The following LBH variants were observed in gnomAD, a reference collection of about 807,000 sequenced individuals.
LBH encodes LBH regulator of Wnt signaling pathway.
A neutral mutation model predicts 12.5 loss-of-function variants in LBH; 7 were observed. That is an observed-to-expected ratio of 0.56 (90% CI 0.32 to 1.05). The LOEUF (loss-of-function observed/expected upper bound fraction) is 1.05. Ranked by LOEUF, LBH falls within the 50% of genes least tolerant of loss-of-function variation. The probability of loss-of-function intolerance (pLI) is 0.04; values close to 1 mark genes in which losing one functional copy is unlikely to be tolerated. For missense variants in LBH, 119 were observed against 138.9 expected (o/e 0.86, Z 0.72); for synonymous variants, 51 against 50.1 (o/e 1.02, Z -0.08).
At chr2:30,252,191 CA>C (rs1677991963) in intron 2 of LBH, among the ~76,000 whole-genome samples, 1 of 152,092 alleles carries the variant, frequency 6.6e-6, no homozygotes, top group Non-Finnish European at 1.5e-5. Flanking sequence ...CCATTCTCAT[CA>C]TGATAGTAAG....
At position 30,257,789 on chromosome 2, in the gene LBH, C is replaced by CATTTTT; in HGVS notation, c.*168_*169insATTTTT. 1 of 439,350 alleles carries CATTTTT rather than the reference C, an allele frequency of 2.3e-6. No homozygotes were observed. The highest frequency in any genetic ancestry group is 3.8e-6 in the Non-Finnish European group (1 of 264,366). The allele number at this position is 439,350 out of a possible 1,614,324, so 27.2% of individuals were successfully genotyped here. On this transcript the variant is annotated 3_prime_UTR_variant, in exon 3 of 3. Coordinates refer to ENST00000395323, the MANE Select transcript of LBH (RefSeq NM_030915.4). ...GAGTTGGTTTTCTTTTCTTTTCTTG[C>CATTTTT]CTTTTTTTTTTTTTGAAATTTGCCG... is the stretch of plus-strand genomic sequence containing the variant.
At chr2:30,251,031 A>G (rs182922448) in intron 2 of LBH, among the ~76,000 whole-genome samples, 24 of 140,370 alleles carry the variant, frequency 1.7e-4, no homozygotes, top group African/African-American at 6.1e-4. Flanking sequence ...CACCATTCTT[A>G]TTTTTTATTG....
chr2:30,248,851 G>A (rs1214641511), intron 2 of LBH, among the ~76,000 whole-genome samples: 1 of 152,244 alleles, frequency 6.6e-6, no homozygotes, highest in Non-Finnish European at 1.5e-5. Flanking sequence ...AGATGTTTAT[G>A]AAAGATGGTG....
At chr2:30,238,062 A>G (rs13403566) in intron 2 of LBH, among the ~76,000 whole-genome samples, 1,693 of 152,304 alleles carry the variant, frequency 0.011, 33 homozygotes, top group African/African-American at 0.039. Flanking sequence ...GCAAGTCAGC[A>G]GCTGCTTCTT....
Position 30,234,483 on chromosome 2 carries a change from C to T in LBH, c.105C>T (p.Pro35=). ...CCATGGAGGAGATCGGCCTCAGCCC[C>T]CGCAAGGATGGCCTTTCCTACCAGG... ...TQPMEEIGLS[P]RKDGLSYQIF... Residue 35 remains proline (P), a synonymous_variant, in exon 2 of 3, where the codon CCC becomes CCT. Transcript: ENST00000395323. 1 of 1,613,932 alleles carries T rather than the reference C, an allele frequency of 6.2e-7. No individual in the cohort carries two copies. The highest frequency in any genetic ancestry group is 8.5e-7 in the Non-Finnish European group (1 of 1,179,822).
chr2:30,232,194 C>G lies in LBH; in HGVS notation c.26+430C>G, dbSNP rs1677600734. The G allele has an allele frequency of 4.0e-6, 6 of 1,511,590 alleles. No homozygotes were observed. In the East Asian group the frequency reaches 1.5e-4, roughly 39 times the overall value. 93.6% of individuals were successfully genotyped at this position (1,511,590 alleles called of 1,614,324 possible). A position where few individuals can be genotyped will look rare whatever the true frequency, so the allele number is the denominator to read the frequency against. On this transcript the variant is annotated intron_variant, in intron 1 of 2. Transcript: ENST00000395323. ...GTCTCAACGTCGAGGCCGGCAGCAGCGGGGCTGAGCTGGTGCGGCCGCAGG... is the reference window on the plus strand; with the variant it reads ...GTCTCAACGTCGAGGCCGGCAGCAGGGGGGCTGAGCTGGTGCGGCCGCAGG...
chr2:30,240,132 A>C (rs748490142), intron 2 of LBH, among the ~76,000 whole-genome samples: 34 of 152,180 alleles, frequency 2.2e-4, no homozygotes, highest in Admixed American at 3.3e-4. Context: ...TTTGTTTCTA[A>C]GACGCTGGGC....
chr2:30,240,844 C>T (rs1174715444), intron 2 of LBH, among the ~76,000 whole-genome samples: 1 of 152,184 alleles, frequency 6.6e-6, no homozygotes, highest in Non-Finnish European at 1.5e-5. Flanking sequence ...AGCTGAAACT[C>T]ATACACTTCT....
intron 2 of LBH, among the ~76,000 whole-genome samples, chr2:30,239,967 C>G (rs1677760743): frequency 1.3e-5 from 2 of 152,186 alleles, no homozygotes; most frequent in Admixed American, 1.3e-4. Flanking sequence ...AGGGAGAGAA[C>G]AAGCTTTCTT....
At chr2:30,236,369 C>T (rs145548987) in intron 2 of LBH, among the ~76,000 whole-genome samples, 50 of 152,272 alleles carry the variant, frequency 3.3e-4, no homozygotes, top group African/African-American at 1.1e-3. Context: ...GGGTGCCTGA[C>T]ACATCTCAGC....
chr2:30,234,318 C>A, intron 1 of LBH, 87 bp from the exon 2 acceptor site: 1 of 1,021,234 alleles, frequency 9.8e-7, no homozygotes, highest in South Asian at 1.3e-5. Context: ...CCAGACAGTC[C>A]CCTGATCCCA....
chr2:30,231,804 C>T (rs754071713), intron 1 of LBH, 40 bp downstream of exon 1: 3 of 1,535,852 alleles, frequency 2.0e-6, no homozygotes, highest in Non-Finnish European at 2.6e-6. Flanking sequence ...TGTCTCGCGG[C>T]GGTGGCTGCG....
intron 2 of LBH, among the ~76,000 whole-genome samples, chr2:30,235,470 C>T (rs1174638344): frequency 6.6e-6 from 1 of 152,098 alleles, no homozygotes; most frequent in Non-Finnish European, 1.5e-5. Flanking sequence ...CAGACGCTGC[C>T]TTGCTCACAT....
rs144455475 is a variant in LBH, at chr2:30,251,284, C to T, written c.130-6149C>T. Among the ~76,000 whole-genome samples the T allele has an allele frequency of 5.6e-3, 855 of 151,978 alleles. 2 individuals carry two copies. The highest frequency in any genetic ancestry group is 9.4e-3 in the Non-Finnish European group (640 of 67,952). On this transcript the variant is annotated intron_variant, in intron 2 of 2. Transcript: ENST00000395323. ...GGCAAGTGGCTACTGTACTGGACAGCGCAGATAGAGAACATTTCCATATGC... is the reference window on the plus strand; with the variant it reads ...GGCAAGTGGCTACTGTACTGGACAGTGCAGATAGAGAACATTTCCATATGC...
chr2:30,251,686 A>G (rs1381750867), intron 2 of LBH, among the ~76,000 whole-genome samples: 1 of 138,618 alleles, frequency 7.2e-6, no homozygotes, highest in East Asian at 2.0e-4. Context: ...AAAAAAAAAA[A>G]ACTAATAAAA....
intron 2 of LBH, among the ~76,000 whole-genome samples, chr2:30,247,469 AT>A (rs1479849457): frequency 6.6e-6 from 1 of 152,148 alleles, no homozygotes; most frequent in Non-Finnish European, 1.5e-5. Context: ...AAATACTGTT[AT>A]TTTCCTTGAA....
At chr2:30,250,837 TCAAA>T (rs934857309) in intron 2 of LBH, among the ~76,000 whole-genome samples, 7 of 151,860 alleles carry the variant, frequency 4.6e-5, no homozygotes, top group African/African-American at 1.7e-4. Flanking sequence ...TGTTGGTCGG[TCAAA>T]CAAACGCCCT....
At chr2:30,253,070 G>A (rs576357615) in intron 2 of LBH, among the ~76,000 whole-genome samples, 44 of 152,320 alleles carry the variant, frequency 2.9e-4, no homozygotes, top group African/African-American at 1.1e-3. Flanking sequence ...CTGCAGGCAG[G>A]CAGCATGCCG....
chr2:30,234,520 T>C lies in LBH; in HGVS notation c.129+13T>C. ...CCTTTCCTACCAGGTGAGTAAGTCC[T>C]GGCTCCCCTCTGACTCTCTAGAGCC... On this transcript the variant is annotated intron_variant, in intron 2 of 2. Coordinates refer to ENST00000395323, the MANE Select transcript of LBH (RefSeq NM_030915.4). 1 of 1,593,628 alleles carries C rather than the reference T, an allele frequency of 6.3e-7. No homozygotes were observed. Among genetic ancestry groups the C allele is most frequent in the Non-Finnish European group, 8.6e-7 (1 of 1,161,354 alleles).
Sources: allele counts gnomAD v4.1 joint callset (sites outside exome capture counted in the v4.1 genomes callset), GRCh38; gene constraint gnomAD v4.1.1; transcripts MANE v1.5; gene names NCBI Gene and HGNC (gene_info 2026-07-23, HGNC 2026-07-21).